SEMA3C: variants seen among roughly 807,000 people sequenced by gnomAD.
SEMA3C encodes the protein semaphorin 3C.
In SEMA3C, 47 loss-of-function variants were observed where a neutral mutation model predicts 89.4. That is an observed-to-expected ratio of 0.53 (90% CI 0.42 to 0.67). SEMA3C has a LOEUF of 0.67. SEMA3C is among the 30% of genes least tolerant of loss of function. The pLI is 0.00. For synonymous variants in SEMA3C, 310 were observed against 320.2 expected, an observed-to-expected ratio of 0.97 and a Z score of 0.34; for missense variants, 839 against 929.1, an observed-to-expected ratio of 0.90 and a Z score of 1.26.
chr7:80,912,126 C>T (rs1044864202), intron 2 of SEMA3C, among the ~76,000 whole-genome samples: 2 of 152,144 alleles, frequency 1.3e-5, no homozygotes, highest in Admixed American at 6.5e-5. Context: ...TGATGAAACT[C>T]ACCTGGAACA....
At chr7:80,840,963 A>G (rs964530036) in intron 2 of SEMA3C, among the ~76,000 whole-genome samples, 14 of 152,144 alleles carry the variant, frequency 9.2e-5, no homozygotes, top group African/African-American at 2.9e-4. Context: ...AGGGAGTAGA[A>G]AAAGTTTGCG....
intron 2 of SEMA3C, among the ~76,000 whole-genome samples, chr7:80,835,601 TAA>T (rs1790107200): frequency 6.6e-6 from 1 of 151,792 alleles, no homozygotes; most frequent in Non-Finnish European, 1.5e-5. Flanking sequence ...GAAAAAAAAA[TAA>T]AGAGCAGTGA....
chr7:80,836,750 C>T (rs919873668), intron 2 of SEMA3C, among the ~76,000 whole-genome samples: 6 of 152,026 alleles, frequency 3.9e-5, no homozygotes, highest in African/African-American at 1.4e-4. Context: ...AATGTATCTC[C>T]CACGCATTGC....
At chr7:80,804,348 G>T in intron 7 of SEMA3C, 100 bp from the exon 8 acceptor site, 1 of 745,582 alleles carries the variant, frequency 1.3e-6, no homozygotes, top group Non-Finnish European at 2.0e-6. Flanking sequence ...ATCTTTGGTA[G>T]AAAAAAACAA....
At chr7:80,906,874 C>A (rs1353078771) in intron 2 of SEMA3C, among the ~76,000 whole-genome samples, 1 of 152,096 alleles carries the variant, frequency 6.6e-6, no homozygotes, top group Non-Finnish European at 1.5e-5. Flanking sequence ...GCTGCTTTTT[C>A]TTCCACAAAG....
chr7:80,837,069 T>A (rs1446992125), intron 2 of SEMA3C, among the ~76,000 whole-genome samples: 12 of 152,120 alleles, frequency 7.9e-5, no homozygotes, highest in African/African-American at 2.7e-4. Context: ...AAACGCACTG[T>A]TTGGGGCTGA....
At chr7:80,807,142 A>T (rs1400002954) in intron 6 of SEMA3C, among the ~76,000 whole-genome samples, 1 of 152,100 alleles carries the variant, frequency 6.6e-6, no homozygotes, top group Non-Finnish European at 1.5e-5. Context: ...ATACACACAG[A>T]TCTAGCTATT....
At chr7:80,898,468 CAG>C (rs1791794249) in intron 2 of SEMA3C, among the ~76,000 whole-genome samples, 1 of 151,974 alleles carries the variant, frequency 6.6e-6, no homozygotes, top group Non-Finnish European at 1.5e-5. Context: ...ATAATAATAA[CAG>C]AAACAAAGAT....
At chr7:80,766,912 T>G (rs1788317032) in intron 12 of SEMA3C, among the ~76,000 whole-genome samples, 1 of 152,172 alleles carries the variant, frequency 6.6e-6, no homozygotes, top group South Asian at 2.1e-4. Flanking sequence ...GTAAACACAC[T>G]GCGCATGCTC....
chr7:80,750,192 T>G (rs887852413), intron 16 of SEMA3C, among the ~76,000 whole-genome samples: 1 of 151,878 alleles, frequency 6.6e-6, no homozygotes, highest in Non-Finnish European at 1.5e-5. Context: ...AAGGTCTGCT[T>G]GGAAATACTT....
At chr7:80,808,242 G>A (rs1448733257) in intron 6 of SEMA3C, among the ~76,000 whole-genome samples, 1 of 152,090 alleles carries the variant, frequency 6.6e-6, no homozygotes, top group East Asian at 1.9e-4. Flanking sequence ...AACTCCAGTA[G>A]CAGCTATGTG....
At chr7:80,809,944 C>T (rs1400774016) in intron 6 of SEMA3C, among the ~76,000 whole-genome samples, 2 of 151,908 alleles carry the variant, frequency 1.3e-5, no homozygotes, top group Non-Finnish European at 2.9e-5. Context: ...GGTTAATTAT[C>T]AGGGGCTGGA....
chr7:80,846,644 T>G (rs1265289841), intron 2 of SEMA3C, among the ~76,000 whole-genome samples: 1 of 152,136 alleles, frequency 6.6e-6, no homozygotes, highest in Non-Finnish European at 1.5e-5. Flanking sequence ...TTTCCATGTT[T>G]TTAAGGCTTA....
chr7:80,870,535 C>T (rs1018245050), intron 2 of SEMA3C, among the ~76,000 whole-genome samples: 1 of 152,150 alleles, frequency 6.6e-6, no homozygotes, highest in Non-Finnish European at 1.5e-5. Flanking sequence ...TAACGACAAA[C>T]ACTAACACAG....
intron 4 of SEMA3C, 123 bp from the exon 5 acceptor site, chr7:80,818,541 T>C (rs1789666513): frequency 1.2e-5 from 13 of 1,128,534 alleles, no homozygotes; most frequent in Non-Finnish European, 1.5e-5. Flanking sequence ...TTTTGATGTA[T>C]TAGTCCAGGG....
intron 17 of SEMA3C, among the ~76,000 whole-genome samples, chr7:80,747,202 A>C (rs945314143): frequency 3.3e-5 from 5 of 152,206 alleles, no homozygotes; most frequent in Non-Finnish European, 7.4e-5. Flanking sequence ...GATTGGAAAA[A>C]AAGTCAAAAT....
chr7:80,857,765 G>T (rs1790674913), intron 2 of SEMA3C, among the ~76,000 whole-genome samples: 1 of 152,002 alleles, frequency 6.6e-6, no homozygotes. Context: ...AGTTAGAATT[G>T]GTATGAAGAA....
intron 1 of SEMA3C, chr7:80,918,228 T>A (rs1194360041): frequency 2.6e-5 from 4 of 152,220 alleles, no homozygotes; most frequent in Non-Finnish European, 5.9e-5. Flanking sequence ...ACTATTAATA[T>A]GCCTAACCTT....
intron 2 of SEMA3C, among the ~76,000 whole-genome samples, chr7:80,898,693 C>A (rs1300182714): frequency 6.6e-6 from 1 of 152,018 alleles, no homozygotes; most frequent in Non-Finnish European, 1.5e-5. Flanking sequence ...TTTCCTTAAA[C>A]ATACTTGCAT....
Sources: allele counts gnomAD v4.1 joint callset (sites outside exome capture counted in the v4.1 genomes callset), GRCh38; gene constraint gnomAD v4.1.1; transcripts MANE v1.5; gene names NCBI Gene and HGNC (gene_info 2026-07-23, HGNC 2026-07-21).